ASAP3: variants seen among roughly 807,000 people sequenced by gnomAD.
ASAP3 encodes arf-GAP with SH3 domain, ANK repeat and PH domain-containing protein 3.
ASAP3 carries 85 observed loss-of-function variants against 118.2 expected under a neutral mutation model. The ratio of observed to expected loss-of-function variants is 0.72; its 90% CI spans 0.60 to 0.86. The LOEUF is 0.86. Ranked by LOEUF, ASAP3 falls within the 40% of genes least tolerant of loss-of-function variation. The probability of loss-of-function intolerance (pLI) is 0.00; values close to 1 mark genes in which losing one functional copy is unlikely to be tolerated. For synonymous variants in ASAP3, 432 were observed against 477.4 expected, an observed-to-expected ratio of 0.90 and a Z score of 1.24; for missense variants, 1,026 against 1,175.0, an observed-to-expected ratio of 0.87 and a Z score of 1.85.
chr1:23,439,980 A>C lies in ASAP3; in HGVS notation c.945-750T>G, dbSNP rs1014236423. The stretch of plus-strand genomic sequence containing the variant: ...CAGGCTCACGCCACCATACCCAGCT[A>C]ATTTTTTGTATTTTTAGTAGAGATG... On this transcript the variant is annotated intron_variant, in intron 10 of 24. Transcript: ENST00000336689. Among the ~76,000 whole-genome samples the C allele has an allele frequency of 2.0e-5, 3 of 151,746 alleles. No individual in the cohort carries two copies. In the South Asian group the frequency reaches 6.2e-4, roughly 32 times the overall value.
At chr1:23,478,531 C>A (rs988637049) in intron 1 of ASAP3, among the ~76,000 whole-genome samples, 1 of 151,634 alleles carries the variant, frequency 6.6e-6, no homozygotes, top group African/African-American at 2.4e-5. Context: ...GAGGACGAGG[C>A]GGGTGGATCA....
At chr1:23,473,663 G>C (rs990437413) in intron 1 of ASAP3, among the ~76,000 whole-genome samples, 10 of 152,198 alleles carry the variant, frequency 6.6e-5, no homozygotes, top group African/African-American at 1.9e-4. Context: ...TCAGTGGCCA[G>C]AAACAGCTGA....
At chr1:23,484,407 GC>G (rs1336067929), upstream of ASAP3, 1 of 244,572 alleles carries the variant, frequency 4.1e-6, no homozygotes, top group Non-Finnish European at 7.6e-6. Flanking sequence ...CCCCTCGCCG[GC>G]CCCCTAGGCC....
intron 5 of ASAP3, among the ~76,000 whole-genome samples, chr1:23,451,012 C>T (rs1024223142): frequency 3.3e-5 from 5 of 152,220 alleles, no homozygotes; most frequent in Admixed American, 1.3e-4. Context: ...GATATACCAA[C>T]TGACACTGAG....
chr1:23,439,153 G>A lies in ASAP3; in HGVS notation c.1014+8C>T. The A allele has an allele frequency of 6.2e-7, 1 of 1,613,794 alleles. No individual in the cohort carries two copies. The highest frequency in any genetic ancestry group is 8.5e-7 in the Non-Finnish European group (1 of 1,179,754). Reference sequence around the variant, plus strand: ...TGCCCTGAGACTCCCACCACCTCTAGGCCTCACCGTGCTGTGTGAGATGGT... The same window carrying A: ...TGCCCTGAGACTCCCACCACCTCTAAGCCTCACCGTGCTGTGTGAGATGGT... On this transcript the variant is annotated splice_region_variant and intron_variant, in intron 11 of 24. Coordinates refer to ENST00000336689, the MANE Select transcript of ASAP3 (RefSeq NM_017707.4).
At chr1:23,453,183 C>G (rs1641278889) in intron 3 of ASAP3, among the ~76,000 whole-genome samples, 1 of 152,212 alleles carries the variant, frequency 6.6e-6, no homozygotes, top group Non-Finnish European at 1.5e-5. Flanking sequence ...TCCTCTCTGA[C>G]TCTCTCAAGT....
chr1:23,483,598 G>T (rs1032270559), intron 1 of ASAP3, among the ~76,000 whole-genome samples: 16 of 152,118 alleles, frequency 1.1e-4, no homozygotes, highest in Non-Finnish European at 1.6e-4. Flanking sequence ...CAGCCGGGGG[G>T]AAGAAAGTTC....
intron 5 of ASAP3, among the ~76,000 whole-genome samples, chr1:23,446,324 A>G (rs964825844): frequency 1.3e-5 from 2 of 152,184 alleles, no homozygotes; most frequent in African/African-American, 4.8e-5. Context: ...ATAATACTGT[A>G]GTCCCCCCTT....
intron 1 of ASAP3, among the ~76,000 whole-genome samples, chr1:23,471,093 C>T (rs983664652): frequency 5.9e-5 from 9 of 152,226 alleles, no homozygotes; most frequent in African/African-American, 9.6e-5. Context: ...GGATGAATCC[C>T]TCCCTGCCCC....
chr1:23,436,860 T>C lies in ASAP3; in HGVS notation c.1476+51A>G, dbSNP rs966183127. The C allele has an allele frequency of 1.4e-6, 2 of 1,441,344 alleles. No individual in the cohort carries two copies. Among genetic ancestry groups the C allele is most frequent in the Non-Finnish European group, 1.9e-6 (2 of 1,077,182 alleles). The allele number at this position is 1,441,344 out of a possible 1,614,324, so 89.3% of individuals were successfully genotyped here. On this transcript the variant is annotated intron_variant, in intron 15 of 24. Transcript: ENST00000336689. The surrounding 1 kb of genome is among the most constrained non-coding windows in gnomAD (Gnocchi z 4.2). Reference sequence around the variant, plus strand: ...TGCAAGCCCCGCCCCCGGATGAAACTACACCCCTAACTCCGCTTCTGGCCC... The same window carrying C: ...TGCAAGCCCCGCCCCCGGATGAAACCACACCCCTAACTCCGCTTCTGGCCC...
At chr1:23,456,651 G>T (rs1442191247) in intron 1 of ASAP3, among the ~76,000 whole-genome samples, 2 of 152,214 alleles carry the variant, frequency 1.3e-5, no homozygotes, top group African/African-American at 4.8e-5. Context: ...TGTACAAAAT[G>T]CTGAGCAAAA....
chr1:23,442,944 T>C (rs141927661), intron 5 of ASAP3, among the ~76,000 whole-genome samples: 130 of 152,212 alleles, frequency 8.5e-4, no homozygotes, highest in African/African-American at 3.0e-3. Context: ...GGATGGACCA[T>C]GTGATGGCCC....
chr1:23,460,528 C>CAAA (rs1558161244), intron 1 of ASAP3, among the ~76,000 whole-genome samples: 10 of 140,360 alleles, frequency 7.1e-5, no homozygotes, highest in South Asian at 2.2e-4. Context: ...AAAAAAAAAC[C>CAAA]AAACAAAAAC....
intron 24 of ASAP3, among the ~76,000 whole-genome samples, chr1:23,430,505 G>A (rs1465466574): frequency 6.6e-6 from 1 of 152,176 alleles, no homozygotes; most frequent in Non-Finnish European, 1.5e-5. Flanking sequence ...TCTATGCCTG[G>A]GATCTGAAAG....
At chr1:23,461,258 G>T (rs1641577087) in intron 1 of ASAP3, among the ~76,000 whole-genome samples, 1 of 152,158 alleles carries the variant, frequency 6.6e-6, no homozygotes, top group South Asian at 2.1e-4. Flanking sequence ...GTACCACTCT[G>T]GTAAGAGCTG....
Position 23,433,064 on chromosome 1 carries a change from C to T in ASAP3, c.2323+13G>A. The T allele has an allele frequency of 1.9e-6, 3 of 1,612,854 alleles. No homozygotes were observed. In the South Asian group the frequency reaches 3.3e-5, roughly 18 times the overall value. The stretch of plus-strand genomic sequence containing the variant: ...ATGGCATGGTGAGCATTTATCTGGG[C>T]ATCCAACTGTACCTCCACTGGCATG... On this transcript the variant is annotated intron_variant, in intron 22 of 24. Coordinates refer to ENST00000336689, the MANE Select transcript of ASAP3 (RefSeq NM_017707.4).
At chr1:23,474,316 T>C (rs1048544638) in intron 1 of ASAP3, among the ~76,000 whole-genome samples, 1 of 152,122 alleles carries the variant, frequency 6.6e-6, no homozygotes, top group African/African-American at 2.4e-5. Context: ...GCTGTGTCTC[T>C]GTCATTGTCT....
chr1:23,429,308 A>G lies in ASAP3; in HGVS notation c.*548T>C, dbSNP rs972520415. On this transcript the variant is annotated 3_prime_UTR_variant, in exon 25 of 25. Coordinates refer to ENST00000336689, the MANE Select transcript of ASAP3 (RefSeq NM_017707.4). Reference sequence around the variant, plus strand: ...CTGCCTATTCCCAAGCCCAACCCTTAAGACCAGCTTTCCACCAAAGGACCA... The same window carrying G: ...CTGCCTATTCCCAAGCCCAACCCTTGAGACCAGCTTTCCACCAAAGGACCA... The G allele has an allele frequency of 6.5e-6, 1 of 153,094 alleles. No individual in the cohort carries two copies. The highest frequency in any genetic ancestry group is 2.4e-5 in the African/African-American group (1 of 41,452). The allele number at this position is 153,094 out of a possible 1,614,324, so 9.5% of individuals were successfully genotyped here.
chr1:23,433,715 G>A, intron 19 of ASAP3, 22 bp from the exon 20 acceptor site: 2 of 1,613,970 alleles, frequency 1.2e-6, no homozygotes, highest in East Asian at 2.2e-5. Context: ...GAAAGTCAGG[G>A]TTCATGGTCA....
Sources: allele counts gnomAD v4.1 joint callset (sites outside exome capture counted in the v4.1 genomes callset), GRCh38; gene constraint gnomAD v4.1.1; non-coding constraint Gnocchi (gnomAD v3.1); transcripts MANE v1.5; gene names NCBI Gene and HGNC (gene_info 2026-07-23, HGNC 2026-07-21).